CRMP1: variants seen among roughly 807,000 people sequenced by gnomAD.
The protein encoded by CRMP1 is collapsin response mediator protein 1.
In CRMP1, 19 loss-of-function variants were observed where a neutral mutation model predicts 68.3. The observed-to-expected ratio is 0.28, with a 90% CI of 0.19 to 0.41. The LOEUF (loss-of-function observed/expected upper bound fraction) is 0.41. CRMP1 is among the 10% of genes least tolerant of loss of function. CRMP1 has a pLI of 1.00. For missense variants in CRMP1, 791 were observed against 967.4 expected (o/e 0.82, Z 2.42); for synonymous variants, 439 against 399.6 (o/e 1.10, Z -1.18).
At chr4:5,840,325 G>A (rs144610976) in intron 8 of CRMP1, among the ~76,000 whole-genome samples, 4 of 152,326 alleles carry the variant, frequency 2.6e-5, no homozygotes, top group African/African-American at 7.2e-5. Context: ...TCAAGGAGTC[G>A]GCCTGGCGGG....
Position 5,888,381 on chromosome 4 carries a change from G to A in CRMP1, c.381+4208C>T, listed in dbSNP as rs1354522659. The A allele has an allele frequency of 1.6e-6, 2 of 1,224,788 alleles. No homozygotes were observed. Among genetic ancestry groups the A allele is most frequent in the Non-Finnish European group, 1.0e-6 (1 of 981,962 alleles). The allele number at this position is 1,224,788 out of a possible 1,614,324, so 75.9% of individuals were successfully genotyped here. ...CTGACAAAGGCCCGGGAGGGATAGA[G>A]ACACGGACGGAGGCTCGGCGCCCGT... On this transcript the variant is annotated intron_variant, in intron 1 of 13. Transcript: ENST00000324989. The surrounding 1 kb of genome is among the most constrained non-coding windows in gnomAD (Gnocchi z 6.4).
intron 3 of CRMP1, among the ~76,000 whole-genome samples, chr4:5,857,842 T>G (rs953354483): frequency 2.0e-5 from 3 of 152,092 alleles, no homozygotes; most frequent in Non-Finnish European, 4.4e-5. Flanking sequence ...TCATCCTTTT[T>G]TCAAATAAAA....
chr4:5,843,733 C>A lies in CRMP1; in HGVS notation c.964-572G>T, dbSNP rs763912693. 6.6e-6 allele frequency among the ~76,000 whole-genome samples: 1 copy of A among 152,124 alleles called. No individual in the cohort carries two copies. Among genetic ancestry groups the A allele is most frequent in the South Asian group, 2.1e-4 (1 of 4,828 alleles). ...TACGCTGATCAGATGAGCGAGCATA[C>A]GAAACATGCTCAGCACAAAACCTGG... On this transcript the variant is annotated intron_variant, in intron 6 of 13. Coordinates refer to ENST00000324989, the MANE Select transcript of CRMP1 (RefSeq NM_001014809.3). The surrounding 1 kb of genome is among the most constrained non-coding windows in gnomAD (Gnocchi z 4.1).
At position 5,841,242 on chromosome 4, in the gene CRMP1, T is replaced by G; in HGVS notation, c.1153+66A>C. On this transcript the variant is annotated intron_variant, in intron 8 of 13. Transcript: ENST00000324989. This position sits in a 1 kb window ranked among gnomAD's most constrained non-coding sequence, Gnocchi z 6.9. Reference sequence around the variant, plus strand: ...GTCTGAGTTCGGGAGGGAGTGAACTTGAACCTGCAGGACACCCCCTTCCAG... The same window carrying G: ...GTCTGAGTTCGGGAGGGAGTGAACTGGAACCTGCAGGACACCCCCTTCCAG... 1 of 1,612,678 alleles carries G rather than the reference T, an allele frequency of 6.2e-7. No individual in the cohort carries two copies.
At position 5,872,523 on chromosome 4, in the gene CRMP1, C is replaced by T. The variant is rs1270141595; in HGVS notation, c.382-5767G>A. ...CCAACATGGTGAAACCCCGTCTCTA[C>T]TAAAAATGCAAAAATTAGTTGGGCG... On this transcript the variant is annotated intron_variant, in intron 1 of 13. Coordinates refer to ENST00000324989, the MANE Select transcript of CRMP1 (RefSeq NM_001014809.3). This position sits in a 1 kb window ranked among gnomAD's most constrained non-coding sequence, Gnocchi z 4.6. 6.6e-6 allele frequency among the ~76,000 whole-genome samples: 1 copy of T among 152,114 alleles called. No individual in the cohort carries two copies. The highest frequency in any genetic ancestry group is 1.5e-5 in the Non-Finnish European group (1 of 68,030).
intron 5 of CRMP1, among the ~76,000 whole-genome samples, chr4:5,849,755 T>A (rs975433175): frequency 1.3e-5 from 2 of 152,204 alleles, no homozygotes; most frequent in African/African-American, 2.4e-5. Flanking sequence ...TCAGTGCCTA[T>A]CTATGCCTTT....
rs1030719911 is a variant in CRMP1, at chr4:5,890,081, G to C, written c.381+2508C>G. On this transcript the variant is annotated intron_variant, in intron 1 of 13. Coordinates refer to ENST00000324989, the MANE Select transcript of CRMP1 (RefSeq NM_001014809.3). The surrounding 1 kb of genome is among the most constrained non-coding windows in gnomAD (Gnocchi z 5.5). ...CATTCATGCATCCCTGGCTCTCAGC[G>C]GGGCCTAAAATCCCTGTCAATGACC... 1 of 361,040 alleles carries C rather than the reference G, an allele frequency of 2.8e-6. No individual in the cohort carries two copies. 22.4% of individuals were successfully genotyped at this position (361,040 alleles called of 1,614,324 possible). A position where few individuals can be genotyped will look rare whatever the true frequency, so the allele number is the denominator to read the frequency against.
At position 5,843,007 on chromosome 4, in the gene CRMP1, T is replaced by A; in HGVS notation, c.1032+86A>T. On this transcript the variant is annotated intron_variant, in intron 7 of 13. Transcript: ENST00000324989. The surrounding 1 kb of genome is among the most constrained non-coding windows in gnomAD (Gnocchi z 4.1). Reference sequence around the variant, plus strand: ...GAGGACACGGGAAGAGGCCGGGTCCTGGCTGGGCTACTCCAGCTGGAACAG... The same window carrying A: ...GAGGACACGGGAAGAGGCCGGGTCCAGGCTGGGCTACTCCAGCTGGAACAG... The A allele has an allele frequency of 7.5e-7, 1 of 1,334,958 alleles. No individual in the cohort carries two copies. Among genetic ancestry groups the A allele is most frequent in the Middle Eastern group, 2.5e-4 (1 of 4,044 alleles). 82.7% of individuals were successfully genotyped at this position (1,334,958 alleles called of 1,614,324 possible).
At position 5,825,802 on chromosome 4, in the gene CRMP1, C is replaced by T. The variant is rs532679865; in HGVS notation, c.1804-143G>A. ...CACACACACACACAACACGCACACACGACAGGTGCACTTCACACACATGCA... is the reference window on the plus strand; with the variant it reads ...CACACACACACACAACACGCACACATGACAGGTGCACTTCACACACATGCA... On this transcript the variant is annotated intron_variant, in intron 12 of 13. Transcript: ENST00000324989. This position sits in a 1 kb window ranked among gnomAD's most constrained non-coding sequence, Gnocchi z 4.4. 3.5e-4 allele frequency: 265 copies of T among 754,288 alleles called. 1 individual carries two copies. Among genetic ancestry groups the T allele is most frequent in the African/African-American group, 3.5e-3 (191 of 54,760 alleles). 46.7% of individuals were successfully genotyped at this position (754,288 alleles called of 1,614,324 possible).
intron 9 of CRMP1, among the ~76,000 whole-genome samples, chr4:5,839,172 G>A (rs1176603993): frequency 6.6e-6 from 1 of 152,234 alleles, no homozygotes; most frequent in Non-Finnish European, 1.5e-5. Context: ...GGGAGACAGA[G>A]AGATGTCACG....
Position 5,834,742 on chromosome 4 carries a change from T to C in CRMP1, c.1623+1173A>G, listed in dbSNP as rs930564080. ...AATAGAATTGCAAGCCCTGCTGGACTGTACATGTGCGTGGCATAAACCTTT... is the reference window on the plus strand; with the variant it reads ...AATAGAATTGCAAGCCCTGCTGGACCGTACATGTGCGTGGCATAAACCTTT... On this transcript the variant is annotated intron_variant, in intron 11 of 13. Coordinates refer to ENST00000324989, the MANE Select transcript of CRMP1 (RefSeq NM_001014809.3). This position sits in a 1 kb window ranked among gnomAD's most constrained non-coding sequence, Gnocchi z 4.3. 2.6e-5 allele frequency among the ~76,000 whole-genome samples: 4 copies of C among 152,184 alleles called. No homozygotes were observed.
At position 5,877,942 on chromosome 4, in the gene CRMP1, G is replaced by A. The variant is rs569862897; in HGVS notation, c.382-11186C>T. On this transcript the variant is annotated intron_variant, in intron 1 of 13. Coordinates refer to ENST00000324989, the MANE Select transcript of CRMP1 (RefSeq NM_001014809.3). The surrounding 1 kb of genome is among the most constrained non-coding windows in gnomAD (Gnocchi z 4.3). ...GACGATGCTAGCTGCATGTGTGATCGGTAACTTGACCCATTTCTCTGTGTT... is the reference window on the plus strand; with the variant it reads ...GACGATGCTAGCTGCATGTGTGATCAGTAACTTGACCCATTTCTCTGTGTT... Among the ~76,000 whole-genome samples the A allele has an allele frequency of 2.6e-5, 4 of 152,288 alleles. No individual in the cohort carries two copies. The highest frequency in any genetic ancestry group is 2.1e-4 in the South Asian group (1 of 4,818).
chr4:5,839,342 A>G (rs1198134039), intron 9 of CRMP1, among the ~76,000 whole-genome samples, 180 bp downstream of exon 9: 17 of 152,216 alleles, frequency 1.1e-4, no homozygotes, highest in Admixed American at 1.1e-3. Flanking sequence ...ACTGGATGCC[A>G]CAGATCTTCA....
rs769679020 is a variant in CRMP1 at position 5,881,797 on chromosome 4, T to G, written c.381+10792A>C. ...CACATCGGCAGAGAATTTTTTTGAG[T>G]ACACCACTGTGCTCACAGCACACAG... On this transcript the variant is annotated intron_variant, in intron 1 of 13. Transcript: ENST00000324989. This position sits in a 1 kb window ranked among gnomAD's most constrained non-coding sequence, Gnocchi z 4.6. Among the ~76,000 whole-genome samples the G allele has an allele frequency of 6.6e-6, 1 of 152,164 alleles. No homozygotes were observed. Among genetic ancestry groups the G allele is most frequent in the Admixed American group, 6.5e-5 (1 of 15,276 alleles).
At chr4:5,848,708 G>A (rs1486810053) in intron 6 of CRMP1, among the ~76,000 whole-genome samples, 1 of 152,132 alleles carries the variant, frequency 6.6e-6, no homozygotes, top group Non-Finnish European at 1.5e-5. Flanking sequence ...CCATGGTTCT[G>A]GAGGCTGGGA....
Position 5,865,392 on chromosome 4 carries a change from C to A in CRMP1, c.470+1276G>T, listed in dbSNP as rs112311786. Reference sequence around the variant, plus strand: ...ATCCCAGCACTTTGGGAGGCCGAGGCGAGCGGATCACGAGGTCAGGAGATC... The same window carrying A: ...ATCCCAGCACTTTGGGAGGCCGAGGAGAGCGGATCACGAGGTCAGGAGATC... On this transcript the variant is annotated intron_variant, in intron 2 of 13. Coordinates refer to ENST00000324989, the MANE Select transcript of CRMP1 (RefSeq NM_001014809.3). This position sits in a 1 kb window ranked among gnomAD's most constrained non-coding sequence, Gnocchi z 4.1. 5.2e-3 allele frequency among the ~76,000 whole-genome samples: 796 copies of A among 152,096 alleles called. 7 individuals are homozygous for A. Among genetic ancestry groups the A allele is most frequent in the African/African-American group, 0.018 (766 of 41,510 alleles).
At position 5,889,930 on chromosome 4, in the gene CRMP1, G is replaced by A; in HGVS notation, c.381+2659C>T. ...CTAGGCATAATTTTCCCATTTTACAGACAGGAAATTGAGGCTTACAGAGGT... is the reference window on the plus strand; with the variant it reads ...CTAGGCATAATTTTCCCATTTTACAAACAGGAAATTGAGGCTTACAGAGGT... On this transcript the variant is annotated intron_variant, in intron 1 of 13. Transcript: ENST00000324989. The surrounding 1 kb of genome is among the most constrained non-coding windows in gnomAD (Gnocchi z 4.5). The A allele has an allele frequency of 5.1e-6, 7 of 1,374,552 alleles. No individual in the cohort carries two copies. The highest frequency in any genetic ancestry group is 6.6e-6 in the Non-Finnish European group (7 of 1,061,856). 85.1% of individuals were successfully genotyped at this position (1,374,552 alleles called of 1,614,324 possible).
intron 12 of CRMP1, among the ~76,000 whole-genome samples, chr4:5,827,588 A>G (rs1309294880): frequency 1.3e-5 from 2 of 151,790 alleles, no homozygotes; most frequent in Non-Finnish European, 2.9e-5. Flanking sequence ...CCACACACAC[A>G]GAGCTCACCA....
chr4:5,839,285 T>G (rs1711523306), intron 9 of CRMP1, among the ~76,000 whole-genome samples: 1 of 152,106 alleles, frequency 6.6e-6, no homozygotes, highest in Non-Finnish European at 1.5e-5. Context: ...TGCTTAACAG[T>G]AGGTTGGCTC....
Sources: allele counts gnomAD v4.1 joint callset (sites outside exome capture counted in the v4.1 genomes callset), GRCh38; gene constraint gnomAD v4.1.1; non-coding constraint Gnocchi (gnomAD v3.1); transcripts MANE v1.5; gene names NCBI Gene and HGNC (gene_info 2026-07-23, HGNC 2026-07-21).